PRRX2: variants seen among roughly 807,000 people sequenced by gnomAD.
PRRX2 encodes the protein paired related homeobox 2.
Under a neutral mutation model 18.0 loss-of-function variants are expected in PRRX2, and 11 were observed. That is an observed-to-expected ratio of 0.61 (90% CI 0.39 to 1.01). PRRX2 has a LOEUF of 1.01. PRRX2 is among the 50% of genes least tolerant of loss of function. PRRX2 has a pLI of 0.01. For missense variants in PRRX2, 387 were observed against 351.0 expected (o/e 1.10, Z -0.82); for synonymous variants, 177 against 154.8 (o/e 1.14, Z -1.06).
chr9:129,713,424 G>A (rs1832656998), intron 1 of PRRX2, among the ~76,000 whole-genome samples: 1 of 152,152 alleles, frequency 6.6e-6, no homozygotes, highest in African/African-American at 2.4e-5. Context: ...AGGACGAAGA[G>A]GTGACGTGAG....
At chr9:129,684,482 T>TCACA (rs71385454) in intron 1 of PRRX2, among the ~76,000 whole-genome samples, 2,186 of 43,212 alleles carry the variant, frequency 0.051, 27 homozygotes, top group Non-Finnish European at 0.071. Context: ...ATACCAGAAA[T>TCACA]CACACACACA....
In PRRX2 at chr9:129,715,992, A is replaced by G. The variant is rs567914681; in HGVS notation, c.260-3239A>G. Among the ~76,000 whole-genome samples the G allele has an allele frequency of 1.7e-3, 266 of 152,292 alleles. 3 individuals are homozygous for G. Among genetic ancestry groups the G allele is most frequent in the Middle Eastern group, 3.4e-3 (1 of 294 alleles). ...ACTGTGCAAAGAACATCGGGTGTAA[A>G]ATGGGAACATGTAACTGGGGAAACA... is the stretch of plus-strand genomic sequence containing the variant. On this transcript the variant is annotated intron_variant, in intron 1 of 3. Transcript: ENST00000372469. This position sits in a 1 kb window ranked among gnomAD's most constrained non-coding sequence, Gnocchi z 4.0.
chr9:129,717,247 T>C (rs1832720136), intron 1 of PRRX2, among the ~76,000 whole-genome samples: 1 of 152,090 alleles, frequency 6.6e-6, no homozygotes, highest in African/African-American at 2.4e-5. Context: ...TTGTTTTGTT[T>C]TTAGTAGAGA....
rs1832603865 is a variant in PRRX2 at position 129,710,453 on chromosome 9, G to A, written c.260-8778G>A. Among the ~76,000 whole-genome samples the A allele has an allele frequency of 2.6e-5, 4 of 152,316 alleles. No individual in the cohort carries two copies. In the South Asian group the frequency reaches 6.2e-4, roughly 24 times the overall value. ...CTTGGCCTGATTGAAAGCTAGCTTG[G>A]CCGGGCGCGGTGGCTCACACCTGTA... On this transcript the variant is annotated intron_variant, in intron 1 of 3. Transcript: ENST00000372469.
chr9:129,703,925 G>A (rs998238182), intron 1 of PRRX2, among the ~76,000 whole-genome samples: 17 of 152,226 alleles, frequency 1.1e-4, no homozygotes, highest in African/African-American at 3.6e-4. Context: ...CGTCAGCCTC[G>A]CAGGCACTGC....
chr9:129,686,348 A>G (rs1439503336), intron 1 of PRRX2, among the ~76,000 whole-genome samples: 2 of 152,068 alleles, frequency 1.3e-5, no homozygotes, highest in African/African-American at 4.8e-5. Flanking sequence ...AGACCTCCTT[A>G]CTTTTGTTTT....
chr9:129,685,145 A>G (rs1195966866), intron 1 of PRRX2, among the ~76,000 whole-genome samples: 1 of 152,132 alleles, frequency 6.6e-6, no homozygotes, highest in Non-Finnish European at 1.5e-5. Context: ...TGGAGGGGTC[A>G]TCACCACCCT....
chr9:129,702,105 C>A (rs1405763611), intron 1 of PRRX2, among the ~76,000 whole-genome samples: 1 of 137,860 alleles, frequency 7.3e-6, no homozygotes, highest in South Asian at 2.4e-4. Context: ...CGTCTCAAAA[C>A]TTTCTACGAC....
rs1832685244 is a variant in PRRX2, at chr9:129,715,028, A to T, written c.260-4203A>T. Among the ~76,000 whole-genome samples the T allele has an allele frequency of 1.3e-5, 2 of 152,254 alleles. No individual in the cohort carries two copies. Among genetic ancestry groups the T allele is most frequent in the South Asian group, 4.1e-4 (2 of 4,830 alleles). On this transcript the variant is annotated intron_variant, in intron 1 of 3. Transcript: ENST00000372469. The surrounding 1 kb of genome is among the most constrained non-coding windows in gnomAD (Gnocchi z 4.0). The stretch of plus-strand genomic sequence containing the variant: ...GGGTGGAAAGACATTCACAGGCAGC[A>T]GACATTCTCATCCATCCTCGCCTTT...
rs1219741627 is a variant in PRRX2, at chr9:129,665,783, G to A, written c.-85G>A. 6.4e-6 allele frequency: 6 copies of A among 931,800 alleles called. No individual in the cohort carries two copies. The highest frequency in any genetic ancestry group is 7.7e-6 in the Non-Finnish European group (6 of 776,450). 57.7% of individuals were successfully genotyped at this position (931,800 alleles called of 1,614,324 possible). A position where few individuals can be genotyped will look rare whatever the true frequency, so the allele number is the denominator to read the frequency against. On this transcript the variant is annotated 5_prime_UTR_variant, in exon 1 of 4. Transcript: ENST00000372469. The surrounding 1 kb of genome is among the most constrained non-coding windows in gnomAD (Gnocchi z 5.3). ...GCTGGGCAGAGCGCGGGGCGGCCGG[G>A]GCTCTCGCTCCGACCCGCGCCCGCG...
chr9:129,701,257 G>A (rs190490675), intron 1 of PRRX2, among the ~76,000 whole-genome samples: 10 of 152,326 alleles, frequency 6.6e-5, no homozygotes, highest in South Asian at 2.1e-4. Context: ...ACTGTGTGTC[G>A]CTCACAGCGG....
rs568383839 is a variant in PRRX2, at chr9:129,683,243, A to C, written c.259+17117A>C. On this transcript the variant is annotated intron_variant, in intron 1 of 3. Coordinates refer to ENST00000372469, the MANE Select transcript of PRRX2 (RefSeq NM_016307.4). ...GTAATTAATCATCTCCCTTTTAGGA[A>C]GCCCCCACTACAGACTAAGCACATG... is the stretch of plus-strand genomic sequence containing the variant. Among the ~76,000 whole-genome samples, 3 of 152,292 alleles carry C rather than the reference A, an allele frequency of 2.0e-5. No homozygotes were observed. In the East Asian group the frequency reaches 5.8e-4, roughly 29 times the overall value.
chr9:129,717,960 A>G (rs968567184), intron 1 of PRRX2, among the ~76,000 whole-genome samples: 5 of 152,166 alleles, frequency 3.3e-5, no homozygotes, highest in African/African-American at 1.2e-4. Context: ...TCAGGTGATC[A>G]GGGAGGGCCC....
chr9:129,722,250 C>G lies in PRRX2; in HGVS notation c.660C>G (p.Gly220=). The G allele has an allele frequency of 1.2e-6, 2 of 1,613,964 alleles. No homozygotes were observed. Among genetic ancestry groups the G allele is most frequent in the Non-Finnish European group, 1.7e-6 (2 of 1,179,970 alleles). The change falls in exon 4 of 4, where the codon GGC becomes GGG. Residue 220 remains glycine, a synonymous_variant. Transcript: ENST00000372469. The part of the protein sequence containing the change: ...TVPPYSPGSS[G]PATPGVNMAN... Reference sequence around the variant, plus strand: ...CACCCTACAGCCCTGGGAGCTCAGGCCCCGCAACCCCAGGGGTCAACATGG... The same window carrying G: ...CACCCTACAGCCCTGGGAGCTCAGGGCCCGCAACCCCAGGGGTCAACATGG...
chr9:129,672,139 C>T (rs1039749528), intron 1 of PRRX2, among the ~76,000 whole-genome samples: 1 of 152,102 alleles, frequency 6.6e-6, no homozygotes, highest in Non-Finnish European at 1.5e-5. Context: ...GGAAGGGGAC[C>T]TTGGGGGTGA....
chr9:129,699,370 G>A (rs1457025080), intron 1 of PRRX2, among the ~76,000 whole-genome samples: 10 of 152,116 alleles, frequency 6.6e-5, no homozygotes, highest in Admixed American at 6.5e-4. Flanking sequence ...GTTGCAGTGA[G>A]CCGAGATCAC....
At chr9:129,669,821 T>C (rs889264351) in intron 1 of PRRX2, among the ~76,000 whole-genome samples, 6 of 151,944 alleles carry the variant, frequency 3.9e-5, no homozygotes, top group African/African-American at 1.5e-4. Flanking sequence ...TACCTTCAAT[T>C]ATTTTTTATT....
chr9:129,685,469 A>G (rs1048922460), intron 1 of PRRX2, among the ~76,000 whole-genome samples: 18 of 151,892 alleles, frequency 1.2e-4, no homozygotes, highest in Admixed American at 1.1e-3. Context: ...TGGGCTGTTG[A>G]TCCTCCCACC....
intron 1 of PRRX2, 77 bp from the exon 2 acceptor site, chr9:129,719,154 C>T: frequency 7.3e-7 from 1 of 1,363,964 alleles, no homozygotes; most frequent in Non-Finnish European, 9.7e-7. Context: ...TCAGAGCAAA[C>T]TGCAGAGTTG....
Sources: gnomAD v4.1 joint callset for allele counts (sites outside exome capture counted in the v4.1 genomes callset) on GRCh38, gnomAD v4.1.1 for gene constraint, Gnocchi (gnomAD v3.1) non-coding constraint, MANE v1.5 for transcripts, NCBI Gene and HGNC (gene_info 2026-07-23, HGNC 2026-07-21) for gene names.